The following CADM2 variants were observed in gnomAD, a reference collection of about 807,000 sequenced individuals.
CADM2 encodes immunoglobulin superfamily member 4D.
CADM2 carries 12 observed loss-of-function variants against 49.8 expected under a neutral mutation model. The observed-to-expected ratio is 0.24, with a 90% CI of 0.15 to 0.39. The LOEUF is 0.39. Ranked by LOEUF, CADM2 falls within the 10% of genes least tolerant of loss-of-function variation. The probability of loss-of-function intolerance (pLI) is 1.00; values close to 1 mark genes in which losing one functional copy is unlikely to be tolerated. For missense variants in CADM2, 378 were observed against 492.3 expected, an observed-to-expected ratio of 0.77 and a Z score of 2.20; for synonymous variants, 214 against 175.4, an observed-to-expected ratio of 1.22 and a Z score of -1.74.
chr3:85,986,120 T>G (rs931053350), intron 8 of CADM2, among the ~76,000 whole-genome samples: 15 of 152,054 alleles, frequency 9.9e-5, no homozygotes, highest in African/African-American at 3.6e-4. Context: ...GCCCTTCTAT[T>G]CTCTACATCC....
At chr3:85,007,841 A>G (rs553590552) in intron 1 of CADM2, among the ~76,000 whole-genome samples, 1 of 152,256 alleles carries the variant, frequency 6.6e-6, no homozygotes, top group African/African-American at 2.4e-5. Flanking sequence ...ATTTCGAGGG[A>G]GTGAGATGAC....
At chr3:85,413,520 A>C (rs2035772824) in intron 1 of CADM2, among the ~76,000 whole-genome samples, 1 of 152,190 alleles carries the variant, frequency 6.6e-6, no homozygotes, top group Admixed American at 6.5e-5. Flanking sequence ...GCTGCAGAAG[A>C]AGCATAGTGG....
At chr3:85,532,391 C>A (rs1399932190) in intron 1 of CADM2, among the ~76,000 whole-genome samples, 1 of 152,010 alleles carries the variant, frequency 6.6e-6, no homozygotes, top group Non-Finnish European at 1.5e-5. Context: ...TTTTTTTTAT[C>A]TTTTGTTCTT....
At chr3:85,504,634 G>A (rs2040246719) in intron 1 of CADM2, among the ~76,000 whole-genome samples, 1 of 152,202 alleles carries the variant, frequency 6.6e-6, no homozygotes, top group African/African-American at 2.4e-5. Flanking sequence ...CCTCACCGGG[G>A]CTGCAGGTGG....
At chr3:85,652,665 G>T (rs1349365737) in intron 1 of CADM2, among the ~76,000 whole-genome samples, 4 of 150,056 alleles carry the variant, frequency 2.7e-5, no homozygotes, top group African/African-American at 7.4e-5. Context: ...GTGGGGGAAA[G>T]AAATGGAAAA....
intron 8 of CADM2, among the ~76,000 whole-genome samples, chr3:85,982,064 G>T (rs984630508): frequency 2.6e-5 from 4 of 151,610 alleles, no homozygotes; most frequent in Non-Finnish European, 5.9e-5. Flanking sequence ...GTGTAAGAAG[G>T]TATTTCATTG....
chr3:85,717,001 A>G (rs1402792971), intron 1 of CADM2, among the ~76,000 whole-genome samples: 1 of 152,162 alleles, frequency 6.6e-6, no homozygotes, highest in Non-Finnish European at 1.5e-5. Flanking sequence ...TTCCATATCA[A>G]ATTTAAAGTA....
chr3:84,964,480 T>TGATGACAAGATCAAATGACAAG (rs2107054924), intron 1 of CADM2, among the ~76,000 whole-genome samples: 1 of 152,342 alleles, frequency 6.6e-6, no homozygotes, highest in South Asian at 2.1e-4. Context: ...ACAAGTGCTC[T>TGATGACAAGATCAAATGACAAG]ATGATATTTA....
At chr3:85,415,410 A>G (rs2035872927) in intron 1 of CADM2, among the ~76,000 whole-genome samples, 1 of 73,732 alleles carries the variant, frequency 1.4e-5, no homozygotes, top group Non-Finnish European at 2.7e-5. Flanking sequence ...GAATAGTGCC[A>G]GCTTTTGCCA....
intron 8 of CADM2, among the ~76,000 whole-genome samples, chr3:86,019,024 G>C (rs1376308858): frequency 1.9e-5 from 2 of 107,798 alleles, no homozygotes; most frequent in African/African-American, 7.4e-5. Context: ...TAACGTTTAA[G>C]TCTTTAATCC....
At chr3:85,476,897 A>AAC (rs35319709) in intron 1 of CADM2, among the ~76,000 whole-genome samples, 7,112 of 145,944 alleles carry the variant, frequency 0.049, 336 homozygotes, top group South Asian at 0.11. Flanking sequence ...AAAGATTTTA[A>AAC]ACACACACAC....
At chr3:86,043,196 T>C (rs552837406) in intron 8 of CADM2, among the ~76,000 whole-genome samples, 8 of 152,222 alleles carry the variant, frequency 5.3e-5, no homozygotes, top group South Asian at 2.1e-4. Context: ...CTCTCACCAC[T>C]CCTATTCAAC....
chr3:85,576,904 C>T (rs7617356), intron 1 of CADM2, among the ~76,000 whole-genome samples: 77,994 of 151,806 alleles, frequency 0.51, 23,054 homozygotes, highest in East Asian at 0.85. Flanking sequence ...TAATAGTCTT[C>T]TATTGTTTAC....
intron 1 of CADM2, among the ~76,000 whole-genome samples, chr3:85,360,774 C>T: frequency 6.6e-6 from 1 of 152,272 alleles, no homozygotes; most frequent in South Asian, 2.1e-4. Context: ...ATTGAAGCAT[C>T]ACAAGAGTGT....
chr3:86,025,509 A>G (rs1237614940), intron 8 of CADM2, among the ~76,000 whole-genome samples: 1 of 152,112 alleles, frequency 6.6e-6, no homozygotes, highest in Non-Finnish European at 1.5e-5. Context: ...CTTTATACAA[A>G]TGATTATTCC....
At chr3:85,804,604 A>G (rs570464147) in intron 3 of CADM2, among the ~76,000 whole-genome samples, 1 of 152,344 alleles carries the variant, frequency 6.6e-6, no homozygotes, top group African/African-American at 2.4e-5. Flanking sequence ...TCGTGAGGTC[A>G]AATCCTCAGG....
chr3:85,678,253 T>C (rs1190168665), intron 1 of CADM2, among the ~76,000 whole-genome samples: 1 of 152,150 alleles, frequency 6.6e-6, no homozygotes, highest in East Asian at 1.9e-4. Flanking sequence ...TGGTAGACAA[T>C]GAGCTGTGTC....
At chr3:85,240,472 C>T (rs953138810) in intron 1 of CADM2, among the ~76,000 whole-genome samples, 4 of 151,408 alleles carry the variant, frequency 2.6e-5, no homozygotes, top group African/African-American at 9.7e-5. Flanking sequence ...ACATCAACAA[C>T]ATATTCAATC....
chr3:85,973,834 G>GTGAA (rs972434432), intron 8 of CADM2, among the ~76,000 whole-genome samples: 7 of 151,844 alleles, frequency 4.6e-5, no homozygotes, highest in African/African-American at 1.7e-4. Context: ...GTGGGACAAA[G>GTGAA]TGAAGGAAGC....
Sources: gnomAD v4.1 joint callset for allele counts (sites outside exome capture counted in the v4.1 genomes callset) on GRCh38, gnomAD v4.1.1 for gene constraint, MANE v1.5 for transcripts, NCBI Gene and HGNC (gene_info 2026-07-23, HGNC 2026-07-21) for gene names.